The following KCNIP1 variants were observed in gnomAD, a reference collection of about 807,000 sequenced individuals.
KCNIP1 encodes the protein A-type potassium channel modulatory protein KCNIP1.
A neutral mutation model predicts 33.0 loss-of-function variants in KCNIP1; 18 were observed. The ratio of observed to expected loss-of-function variants is 0.55; its 90% confidence interval spans 0.38 to 0.81. KCNIP1 has a LOEUF of 0.81. KCNIP1 is among the 30% of genes least tolerant of loss of function. The pLI is 0.00. For synonymous variants in KCNIP1, 93 were observed against 98.3 expected (o/e 0.95, Z 0.32); for missense variants, 238 against 271.6 (o/e 0.88, Z 0.87).
intron 1 of KCNIP1, among the ~76,000 whole-genome samples, chr5:170,423,065 G>A (rs775565821): frequency 4.6e-5 from 7 of 152,114 alleles, no homozygotes; most frequent in East Asian, 1.9e-4. Context: ...CAGCCTGGAC[G>A]ACAGAGCACA....
intron 1 of KCNIP1, among the ~76,000 whole-genome samples, chr5:170,607,742 G>A (rs1758982595): frequency 6.6e-6 from 1 of 152,206 alleles, no homozygotes; most frequent in African/African-American, 2.4e-5. Flanking sequence ...AACTGGCCAG[G>A]ACACTCCAAG....
chr5:170,591,016 T>A (rs935887635), intron 1 of KCNIP1, among the ~76,000 whole-genome samples: 5 of 152,168 alleles, frequency 3.3e-5, no homozygotes, highest in African/African-American at 9.6e-5. Context: ...CAGACTTCCC[T>A]TGGAAGGAGA....
intron 1 of KCNIP1, among the ~76,000 whole-genome samples, chr5:170,689,434 C>G (rs1258040507): frequency 3.3e-5 from 5 of 152,318 alleles, no homozygotes; most frequent in African/African-American, 4.8e-5. Flanking sequence ...ACTATAGTCT[C>G]CATTTGACAG....
chr5:170,395,624 T>C (rs1754739626), intron 1 of KCNIP1, among the ~76,000 whole-genome samples: 1 of 152,140 alleles, frequency 6.6e-6, no homozygotes, highest in Non-Finnish European at 1.5e-5. Flanking sequence ...AGCACAAAGT[T>C]TGGGGACCAG....
chr5:170,676,270 C>T (rs1359979298), intron 1 of KCNIP1, among the ~76,000 whole-genome samples: 1 of 152,018 alleles, frequency 6.6e-6, no homozygotes, highest in African/African-American at 2.4e-5. Context: ...TATTATTGTG[C>T]AATTGTTATC....
At chr5:170,551,189 A>G (rs1171329119) in intron 1 of KCNIP1, among the ~76,000 whole-genome samples, 1 of 152,192 alleles carries the variant, frequency 6.6e-6, no homozygotes, top group African/African-American at 2.4e-5. Context: ...GTCCAGCTCA[A>G]TGGTGAGAGC....
intron 1 of KCNIP1, among the ~76,000 whole-genome samples, chr5:170,598,986 G>A (rs1758584932): frequency 6.6e-6 from 1 of 151,470 alleles, no homozygotes; most frequent in Middle Eastern, 3.2e-3. Context: ...AGAGGGCAGA[G>A]AGCCAAAGAC....
intron 6 of KCNIP1, among the ~76,000 whole-genome samples, chr5:170,733,341 G>C (rs1764272613): frequency 6.6e-6 from 1 of 152,142 alleles, no homozygotes; most frequent in Non-Finnish European, 1.5e-5. Context: ...CTTGACTAAG[G>C]GAGTGGTATA....
intron 1 of KCNIP1, among the ~76,000 whole-genome samples, chr5:170,360,897 G>A (rs1402762067): frequency 6.6e-6 from 1 of 152,232 alleles, no homozygotes; most frequent in Non-Finnish European, 1.5e-5. Context: ...CATGTGGCTG[G>A]AGTTCCCTTT....
intron 1 of KCNIP1, among the ~76,000 whole-genome samples, chr5:170,545,612 C>T (rs1423686854): frequency 6.6e-6 from 1 of 152,032 alleles, no homozygotes; most frequent in African/African-American, 2.4e-5. Flanking sequence ...ATTGTTCTGT[C>T]TTTAAGTCAC....
At chr5:170,665,110 G>C (rs776417070) in intron 1 of KCNIP1, among the ~76,000 whole-genome samples, 1 of 152,160 alleles carries the variant, frequency 6.6e-6, no homozygotes, top group Non-Finnish European at 1.5e-5. Flanking sequence ...TCTGCAAAAG[G>C]ACCAGGGCTT....
At chr5:170,645,093 T>C (rs187321510) in intron 1 of KCNIP1, among the ~76,000 whole-genome samples, 236 of 115,092 alleles carry the variant, frequency 2.1e-3, no homozygotes, top group Admixed American at 4.5e-3. Flanking sequence ...TTTCCCAAAG[T>C]GTGTGCTTCT....
chr5:170,429,026 G>A (rs916296607), intron 1 of KCNIP1, among the ~76,000 whole-genome samples: 7 of 152,098 alleles, frequency 4.6e-5, no homozygotes, highest in Admixed American at 1.3e-4. Context: ...GGGAGGCAGA[G>A]GTTGCGGTGA....
At chr5:170,469,146 C>T (rs1756669377) in intron 1 of KCNIP1, among the ~76,000 whole-genome samples, 8 of 152,066 alleles carry the variant, frequency 5.3e-5, no homozygotes, top group Admixed American at 5.2e-4. Context: ...CTGTAATCCT[C>T]AAGCTTTGGG....
At chr5:170,607,191 A>G (rs909898237) in intron 1 of KCNIP1, among the ~76,000 whole-genome samples, 8 of 152,098 alleles carry the variant, frequency 5.3e-5, no homozygotes, top group Non-Finnish European at 1.2e-4. Flanking sequence ...CCTGGTTCGG[A>G]TCTACTTAAT....
intron 1 of KCNIP1, among the ~76,000 whole-genome samples, chr5:170,588,996 CTTT>C (rs67130531): frequency 4.3e-5 from 5 of 117,390 alleles, no homozygotes; most frequent in East Asian, 2.5e-4. Flanking sequence ...ATACTTACTT[CTTT>C]TTTTTTTTTT....
In KCNIP1 at chr5:170,504,230, G is replaced by A. The variant is rs1295612642; in HGVS notation, c.-343G>A. On this transcript the variant is annotated 5_prime_UTR_variant, in exon 1 of 8. Transcript: ENST00000328939. The surrounding 1 kb of genome is among the most constrained non-coding windows in gnomAD (Gnocchi z 6.0). ...CACGCGGCGCTGGCTCGGCAGCCTC[G>A]GCCGGGCGGCCGCTCTGGCCCCGTG... The A allele has an allele frequency of 2.8e-6, 3 of 1,072,160 alleles. No individual in the cohort carries two copies. The highest frequency in any genetic ancestry group is 1.1e-6 in the Non-Finnish European group (1 of 886,928). 66.4% of individuals were successfully genotyped at this position (1,072,160 alleles called of 1,614,324 possible).
At chr5:170,708,122 A>T (rs1763321173) in intron 1 of KCNIP1, among the ~76,000 whole-genome samples, 1 of 152,144 alleles carries the variant, frequency 6.6e-6, no homozygotes, top group South Asian at 2.1e-4. Context: ...AGAATCTAAG[A>T]CTTAAAGCTG....
chr5:170,378,743 C>T, intron 1 of KCNIP1: 1 of 1,614,020 alleles, frequency 6.2e-7, no homozygotes, highest in South Asian at 1.1e-5. Context: ...ACTGGTTGCT[C>T]TTCACCATGG....
Sources: allele counts gnomAD v4.1 joint callset (sites outside exome capture counted in the v4.1 genomes callset), GRCh38; gene constraint gnomAD v4.1.1; non-coding constraint Gnocchi (gnomAD v3.1); transcripts MANE v1.5; gene names NCBI Gene and HGNC (gene_info 2026-07-23, HGNC 2026-07-21).